Variants in MYH15 observed in about 807,000 individuals in gnomAD.
The protein encoded by MYH15 is myosin heavy chain 15.
Under a neutral mutation model 240.5 loss-of-function variants are expected in MYH15, and 227 were observed. The observed-to-expected ratio is 0.94, with a 90% CI of 0.85 to 1.05. The LOEUF (loss-of-function observed/expected upper bound fraction) is 1.05. Among genes scored for constraint, MYH15 ranks in the 50% least tolerant of loss-of-function variants. The pLI is 0.00. For missense variants in MYH15, 2,217 were observed against 2,247.5 expected (o/e 0.99, Z 0.27); for synonymous variants, 785 against 796.7 (o/e 0.99, Z 0.25).
At chr3:108,479,409 G>A (rs1220162016) in intron 11 of MYH15, among the ~76,000 whole-genome samples, 2 of 152,202 alleles carry the variant, frequency 1.3e-5, no homozygotes, top group Non-Finnish European at 2.9e-5. Flanking sequence ...CCCTGAAGCA[G>A]GTTAGGGGCT....
the MYH15 span, among the ~76,000 whole-genome samples, chr3:108,549,617 A>G: frequency 6.6e-6 from 1 of 152,054 alleles, no homozygotes; most frequent in East Asian, 1.9e-4. Context: ...ATGGTTATCA[A>G]AATTAAATTT....
At chr3:108,408,058 T>C (rs1326820748) in intron 32 of MYH15, among the ~76,000 whole-genome samples, 2 of 152,248 alleles carry the variant, frequency 1.3e-5, no homozygotes, top group African/African-American at 4.8e-5. Context: ...TTGCATTCAC[T>C]GTTGTGTATC....
At chr3:108,513,867 T>C (rs1008105939), upstream of MYH15, among the ~76,000 whole-genome samples, 2 of 152,224 alleles carry the variant, frequency 1.3e-5, no homozygotes, top group Admixed American at 1.3e-4. Context: ...ATCATGTACA[T>C]GACATAATTC....
upstream of MYH15, among the ~76,000 whole-genome samples, chr3:108,530,917 A>C (rs1379002865): frequency 6.6e-6 from 1 of 152,208 alleles, no homozygotes; most frequent in African/African-American, 2.4e-5. Context: ...GAAATATTGA[A>C]TACAATAAGT....
chr3:108,425,181 G>T (rs776259106), intron 27 of MYH15, among the ~76,000 whole-genome samples: 3 of 152,132 alleles, frequency 2.0e-5, no homozygotes, highest in Non-Finnish European at 2.9e-5. Flanking sequence ...AAGGCAGATT[G>T]GTGTAAAAAT....
the MYH15 span, among the ~76,000 whole-genome samples, chr3:108,538,613 A>G: frequency 1.3e-5 from 2 of 152,190 alleles, no homozygotes; most frequent in East Asian, 3.9e-4. Flanking sequence ...ATGAAGTGAC[A>G]GAGAGAAATG....
At chr3:108,383,958 C>G (rs1360723070) in intron 39 of MYH15, among the ~76,000 whole-genome samples, 4 of 152,060 alleles carry the variant, frequency 2.6e-5, no homozygotes, top group Non-Finnish European at 5.9e-5. Flanking sequence ...ACCTAGTTGG[C>G]ACTTTTCATC....
intron 8 of MYH15, 127 bp downstream of exon 8, chr3:108,492,987 A>G: frequency 1.4e-6 from 1 of 723,810 alleles, no homozygotes; most frequent in Middle Eastern, 2.6e-4. Flanking sequence ...GAGAAAAAGA[A>G]CGAGAGAGAG....
chr3:108,434,914 T>G (rs1560360385), intron 25 of MYH15, among the ~76,000 whole-genome samples: 1 of 152,228 alleles, frequency 6.6e-6, no homozygotes, highest in Non-Finnish European at 1.5e-5. Context: ...TCTTAGAAAA[T>G]AGATTACTAT....
intron 1 of MYH15, among the ~76,000 whole-genome samples, chr3:108,525,296 T>C (rs1313794386): frequency 1.3e-5 from 2 of 152,140 alleles, no homozygotes; most frequent in Non-Finnish European, 2.9e-5. Flanking sequence ...AATAAATGAA[T>C]GAACTCACTT....
chr3:108,492,143 T>C (rs2083352983), intron 9 of MYH15, among the ~76,000 whole-genome samples: 2 of 151,964 alleles, frequency 1.3e-5, no homozygotes, highest in Middle Eastern at 3.4e-3. Context: ...TTCCCTCCCC[T>C]GGTCCTTATC....
the MYH15 span, among the ~76,000 whole-genome samples, chr3:108,549,615 C>T: frequency 6.6e-6 from 1 of 151,876 alleles, no homozygotes; most frequent in Non-Finnish European, 1.5e-5. Flanking sequence ...GGATGGTTAT[C>T]AAAATTAAAT....
At chr3:108,443,166 C>A (rs1439509039) in intron 22 of MYH15, among the ~76,000 whole-genome samples, 2 of 152,136 alleles carry the variant, frequency 1.3e-5, no homozygotes, top group African/African-American at 4.8e-5. Context: ...CAGTTTCTTA[C>A]AGTAGCTTTG....
At chr3:108,529,862 A>T (rs1285304995), upstream of MYH15, among the ~76,000 whole-genome samples, 2 of 152,156 alleles carry the variant, frequency 1.3e-5, no homozygotes, top group African/African-American at 2.4e-5. Context: ...TGAAGCTAGC[A>T]GTCTGTAGTG....
At chr3:108,503,847 A>G (rs1359341934) in intron 2 of MYH15, among the ~76,000 whole-genome samples, 3 of 152,254 alleles carry the variant, frequency 2.0e-5, no homozygotes, top group Non-Finnish European at 2.9e-5. Flanking sequence ...AAACTTGCAC[A>G]TGCATGTTCA....
chr3:108,417,737 C>G (rs2082645153), intron 28 of MYH15, among the ~76,000 whole-genome samples: 1 of 151,718 alleles, frequency 6.6e-6, no homozygotes, highest in South Asian at 2.1e-4. Context: ...AATTCTGACA[C>G]TATTTTCCTG....
At chr3:108,430,626 T>G in intron 26 of MYH15, among the ~76,000 whole-genome samples, 1 of 152,214 alleles carries the variant, frequency 6.6e-6, no homozygotes, top group East Asian at 1.9e-4. Flanking sequence ...AATTAGCTAT[T>G]CATTTTTATT....
At chr3:108,465,528 T>C (rs1157773526) in intron 14 of MYH15, among the ~76,000 whole-genome samples, 2 of 152,234 alleles carry the variant, frequency 1.3e-5, no homozygotes, top group Non-Finnish European at 2.9e-5. Flanking sequence ...ATTTGATATA[T>C]GCTTAAAGAG....
chr3:108,465,899 C>T (rs2083112664), intron 14 of MYH15, among the ~76,000 whole-genome samples: 1 of 152,100 alleles, frequency 6.6e-6, no homozygotes, highest in Non-Finnish European at 1.5e-5. Context: ...TGCACTCCAG[C>T]TTGAGCAACA....
Sources: gnomAD v4.1 joint callset for allele counts (sites outside exome capture counted in the v4.1 genomes callset) on GRCh38, gnomAD v4.1.1 for gene constraint, MANE v1.5 for transcripts, NCBI Gene and HGNC (gene_info 2026-07-23, HGNC 2026-07-21) for gene names.